BCAS3: variants seen among roughly 807,000 people sequenced by gnomAD.
BCAS3 encodes the protein BCAS4/BCAS3 fusion.
In BCAS3, 53 loss-of-function variants were observed where a neutral mutation model predicts 116.1. The ratio of observed to expected loss-of-function variants is 0.46; its 90% CI spans 0.37 to 0.57. The LOEUF (loss-of-function observed/expected upper bound fraction) is 0.57, where lower values mean the gene tolerates loss of function less well. Among genes scored for constraint, BCAS3 ranks in the 20% least tolerant of loss-of-function variants. The pLI is 0.00. For missense variants in BCAS3, 917 were observed against 1,165.4 expected, an observed-to-expected ratio of 0.79 and a Z score of 3.10; for synonymous variants, 391 against 408.2, an observed-to-expected ratio of 0.96 and a Z score of 0.51.
At chr17:60,722,552 A>G (rs1471540769) in intron 5 of BCAS3, among the ~76,000 whole-genome samples, 1 of 151,868 alleles carries the variant, frequency 6.6e-6, no homozygotes. Context: ...CACGACGTCA[A>G]GAGATCAAGA....
intron 22 of BCAS3, among the ~76,000 whole-genome samples, chr17:61,178,180 G>A (rs74461123): frequency 0.011 from 1,609 of 152,148 alleles, 20 homozygotes; most frequent in African/African-American, 0.037. Context: ...TGGACGTCCT[G>A]CTTGGACATT....
chr17:61,372,463 C>CCAAATAA (rs2059100312), intron 23 of BCAS3, among the ~76,000 whole-genome samples: 2 of 152,226 alleles, frequency 1.3e-5, no homozygotes, highest in African/African-American at 2.4e-5. Context: ...TCCAAGTTGG[C>CCAAATAA]TTTGTCTCCT....
chr17:61,225,308 T>C (rs2082316701), intron 22 of BCAS3, among the ~76,000 whole-genome samples: 8 of 152,180 alleles, frequency 5.3e-5, no homozygotes, highest in Admixed American at 5.2e-4. Context: ...CGCAGCCCTT[T>C]GAATTCCCAG....
At chr17:61,108,894 A>G (rs2074859874) in intron 22 of BCAS3, among the ~76,000 whole-genome samples, 1 of 152,122 alleles carries the variant, frequency 6.6e-6, no homozygotes, top group South Asian at 2.1e-4. Flanking sequence ...TTCACTTAGA[A>G]TAATACTCTC....
rs2058839231 is a variant in BCAS3, at chr17:61,368,162, T to C, written c.2426-165T>C. The C allele has an allele frequency of 1.6e-6, 1 of 609,846 alleles. No individual in the cohort carries two copies. Among genetic ancestry groups the C allele is most frequent in the South Asian group, 3.0e-5 (1 of 33,736 alleles). 37.8% of individuals were successfully genotyped at this position (609,846 alleles called of 1,614,324 possible). On this transcript the variant is annotated intron_variant, in intron 22 of 23. Coordinates refer to ENST00000407086, the MANE Select transcript of BCAS3 (RefSeq NM_017679.5). The surrounding 1 kb of genome is among the most constrained non-coding windows in gnomAD (Gnocchi z 6.0). ...AGAGGTCTGCACTCTCTCAGCGGCA[T>C]GAGCTATTTCTCCTGCGCTACCCAG...
chr17:60,756,624 A>G (rs2043012992), intron 6 of BCAS3, among the ~76,000 whole-genome samples: 1 of 152,178 alleles, frequency 6.6e-6, no homozygotes, highest in South Asian at 2.1e-4. Context: ...TTATGGCCAC[A>G]TAATATTTCA....
At chr17:61,099,257 C>T (rs377686333) in intron 22 of BCAS3, among the ~76,000 whole-genome samples, 40 of 152,176 alleles carry the variant, frequency 2.6e-4, no homozygotes, top group African/African-American at 8.9e-4. Context: ...TTTGTATCTC[C>T]CTTTGCCTGG....
At chr17:61,174,631 T>G (rs1362681014) in intron 22 of BCAS3, among the ~76,000 whole-genome samples, 1 of 152,216 alleles carries the variant, frequency 6.6e-6, no homozygotes, top group African/African-American at 2.4e-5. Flanking sequence ...AGCACAGATA[T>G]CTCTTCAACA....
Position 61,040,851 on chromosome 17 carries a change from C to T in BCAS3, c.1988C>T (p.Ala663Val). ...AATGCAAACCACCCTCTGCTCCTCG[C>T]TGCAGATGCAGTACAGTATTATCAG... is the stretch of plus-strand genomic sequence containing the variant. ...PFNANHPLLL[A>V]ADAVQYYQFL... Residue 663 changes from alanine to valine, a missense_variant, in exon 19 of 24, where the codon GCT becomes GTT. Ala to Val is a moderately conservative substitution (Grantham distance 64). Coordinates refer to ENST00000407086, the MANE Select transcript of BCAS3 (RefSeq NM_017679.5). The T allele has an allele frequency of 1.2e-6, 2 of 1,614,114 alleles. No individual in the cohort carries two copies. Among genetic ancestry groups the T allele is most frequent in the Non-Finnish European group, 1.7e-6 (2 of 1,180,004 alleles).
At chr17:61,147,498 C>T (rs530660306) in intron 22 of BCAS3, among the ~76,000 whole-genome samples, 10 of 152,080 alleles carry the variant, frequency 6.6e-5, no homozygotes, top group Non-Finnish European at 1.3e-4. Context: ...GCTGGGATTA[C>T]AGGTGTGCAC....
chr17:61,044,791 G>A (rs1343067508), intron 19 of BCAS3, among the ~76,000 whole-genome samples: 1 of 112,386 alleles, frequency 8.9e-6, no homozygotes, highest in Non-Finnish European at 1.8e-5. Flanking sequence ...TTTTTTTTTT[G>A]AGATGGAGTC....
chr17:61,202,631 T>C (rs1420428704), intron 22 of BCAS3, among the ~76,000 whole-genome samples: 1 of 152,180 alleles, frequency 6.6e-6, no homozygotes, highest in African/African-American at 2.4e-5. Flanking sequence ...GAGCCCAAAA[T>C]CTTGTTTGAT....
intron 22 of BCAS3, among the ~76,000 whole-genome samples, chr17:61,110,662 G>T (rs1364755255): frequency 1.3e-5 from 2 of 152,164 alleles, no homozygotes; most frequent in African/African-American, 2.4e-5. Flanking sequence ...AGCGAGGCTG[G>T]GGGAGGGGCG....
At chr17:60,798,212 C>G (rs2047389844) in intron 6 of BCAS3, among the ~76,000 whole-genome samples, 1 of 152,182 alleles carries the variant, frequency 6.6e-6, no homozygotes, top group Non-Finnish European at 1.5e-5. Context: ...TTCTCTTGGT[C>G]TACATTCTAG....
intron 22 of BCAS3, among the ~76,000 whole-genome samples, chr17:61,277,135 G>C (rs1178988010): frequency 6.6e-6 from 1 of 151,956 alleles, no homozygotes; most frequent in Non-Finnish European, 1.5e-5. Context: ...ATGGTGGCGT[G>C]TGCCTATAGC....
rs2058079609 is a variant in BCAS3, at chr17:61,355,257, T to A, written c.2426-13070T>A. The A allele has an allele frequency of 6.6e-6, 1 of 152,216 alleles. No homozygotes were observed. Among genetic ancestry groups the A allele is most frequent in the Non-Finnish European group, 1.5e-5 (1 of 68,046 alleles). The allele number at this position is 152,216 out of a possible 1,614,324, so 9.4% of individuals were successfully genotyped here. ...TAAATCTGGTTTTTGAAACATCTTC[T>A]TTGACTAATAAAAACAGAAGACTTC... On this transcript the variant is annotated intron_variant, in intron 22 of 23. Coordinates refer to ENST00000407086, the MANE Select transcript of BCAS3 (RefSeq NM_017679.5). This position sits in a 1 kb window ranked among gnomAD's most constrained non-coding sequence, Gnocchi z 4.2.
At chr17:60,871,620 T>G (rs1434310387) in intron 8 of BCAS3, among the ~76,000 whole-genome samples, 1 of 151,338 alleles carries the variant, frequency 6.6e-6, no homozygotes, top group African/African-American at 2.4e-5. Flanking sequence ...TTTTTTTTTT[T>G]GCATAACCAG....
At chr17:61,057,914 T>G (rs1400815446) in intron 19 of BCAS3, among the ~76,000 whole-genome samples, 1 of 152,156 alleles carries the variant, frequency 6.6e-6, no homozygotes, top group Non-Finnish European at 1.5e-5. Flanking sequence ...GTTTTAATAC[T>G]TTGTTTTAAA....
Position 61,235,046 on chromosome 17 carries a change from C to G in BCAS3, c.2426-133281C>G, listed in dbSNP as rs1414325455. ...GGGACTATAGGCGCACGCCACCACT[C>G]CTGGCTAAGTTTTGTATTTTAGTAG... is the stretch of plus-strand genomic sequence containing the variant. On this transcript the variant is annotated intron_variant, in intron 22 of 23. Coordinates refer to ENST00000407086, the MANE Select transcript of BCAS3 (RefSeq NM_017679.5). The surrounding 1 kb of genome is among the most constrained non-coding windows in gnomAD (Gnocchi z 5.0). Among the ~76,000 whole-genome samples the G allele has an allele frequency of 6.6e-6, 1 of 152,138 alleles. No homozygotes were observed. Among genetic ancestry groups the G allele is most frequent in the Non-Finnish European group, 1.5e-5 (1 of 68,022 alleles).
Sources: allele counts gnomAD v4.1 joint callset (sites outside exome capture counted in the v4.1 genomes callset), GRCh38; gene constraint gnomAD v4.1.1; non-coding constraint Gnocchi (gnomAD v3.1); transcripts MANE v1.5; gene names NCBI Gene and HGNC (gene_info 2026-07-23, HGNC 2026-07-21).